The following PTPRD variants were observed in gnomAD, a reference collection of about 807,000 sequenced individuals.
PTPRD encodes the protein protein tyrosine phosphatase receptor type D.
Under a neutral mutation model 214.5 loss-of-function variants are expected in PTPRD, and 34 were observed. That is an observed-to-expected ratio of 0.16 (90% CI 0.12 to 0.21). PTPRD has a LOEUF of 0.21. Among genes scored for constraint, PTPRD ranks in the 10% least tolerant of loss-of-function variants. The pLI, the probability that PTPRD is intolerant of heterozygous loss-of-function variation, is 1.00. For missense variants in PTPRD, 2,545 were observed against 2,398.7 expected, an observed-to-expected ratio of 1.06 and a Z score of -1.27; for synonymous variants, 1,128 against 845.7, an observed-to-expected ratio of 1.33 and a Z score of -5.79.
chr9:9,087,162 A>G (rs2099768245), intron 10 of PTPRD, among the ~76,000 whole-genome samples: 1 of 152,094 alleles, frequency 6.6e-6, no homozygotes, highest in Non-Finnish European at 1.5e-5. Flanking sequence ...ACATTACTTA[A>G]GGTAAACTTA....
rs2097344624 is a variant in PTPRD, at chr9:8,499,300, T to C, written c.2322+347A>G. On this transcript the variant is annotated intron_variant, in intron 25 of 45. Coordinates refer to ENST00000381196, the MANE Select transcript of PTPRD (RefSeq NM_002839.4). ...TTAGCACAGAAGAAAGTAGACTCCA[T>C]CAGCAAAATTGCAGTTTAGAAATCT... Among the ~76,000 whole-genome samples the C allele has an allele frequency of 6.6e-5, 10 of 152,202 alleles. No individual in the cohort carries two copies. In the South Asian group the frequency reaches 2.1e-3, roughly 31 times the overall value.
chr9:9,014,292 A>G (rs945727084), intron 11 of PTPRD, among the ~76,000 whole-genome samples: 4 of 151,556 alleles, frequency 2.6e-5, no homozygotes, highest in East Asian at 1.9e-4. Context: ...CATTCTCACA[A>G]TCTGAACAGA....
chr9:10,581,429 T>C (rs2071755052), intron 2 of PTPRD, among the ~76,000 whole-genome samples: 1 of 152,208 alleles, frequency 6.6e-6, no homozygotes, highest in South Asian at 2.1e-4. Context: ...CCAAACAATT[T>C]AAACCTTCTC....
Position 8,485,925 on chromosome 9 carries a change from G to A in PTPRD, c.2892C>T (p.Pro964=), listed in dbSNP as rs376193969. Residue 964 remains proline, a synonymous_variant, in exon 28 of 46, where the codon CCC becomes CCT. Transcript: ENST00000381196. ...CAATAAGCTGCTCCATCGGGAGAAGGGGGATGTTGATATCCCTATAAAGAA... is the reference window on the plus strand; with the variant it reads ...CAATAAGCTGCTCCATCGGGAGAAGAGGGATGTTGATATCCCTATAAAGAA... ...YTLLYRDINI[P]LLPMEQLIVP... 8 of 1,614,042 alleles carry A rather than the reference G, an allele frequency of 5.0e-6. No homozygotes were observed. In the African/African-American group the frequency reaches 6.7e-5, roughly 13 times the overall value.
intron 10 of PTPRD, among the ~76,000 whole-genome samples, chr9:9,140,000 C>T (rs113608376): frequency 6.6e-6 from 1 of 151,764 alleles, no homozygotes; most frequent in Non-Finnish European, 1.5e-5. Context: ...GTATATATAC[C>T]TCCCGCTGTT....
chr9:9,460,423 A>G (rs575426880), intron 8 of PTPRD, among the ~76,000 whole-genome samples: 1 of 152,252 alleles, frequency 6.6e-6, no homozygotes, highest in African/African-American at 2.4e-5. Context: ...AAACTTTTGC[A>G]AACTAACCAT....
At position 10,259,929 on chromosome 9, in the gene PTPRD, G is replaced by C. The variant is rs529279853; in HGVS notation, c.-545+81034C>G. On this transcript the variant is annotated intron_variant, in intron 3 of 45. Transcript: ENST00000381196. ...ACCCCACCAGAGTGGATATGCACAA[G>C]CATCAGGCCCGTTTCAACCACACTC... is the stretch of plus-strand genomic sequence containing the variant. Among the ~76,000 whole-genome samples the C allele has an allele frequency of 2.0e-5, 3 of 152,186 alleles. No homozygotes were observed. The East Asian group carries it at 5.8e-4, about 30-fold the overall frequency.
chr9:10,465,615 C>G (rs4740453), intron 2 of PTPRD, among the ~76,000 whole-genome samples: 2 of 152,004 alleles, frequency 1.3e-5, no homozygotes, highest in African/African-American at 2.4e-5. Context: ...AAAGCATCAC[C>G]TTTTCTGTGT....
At chr9:9,894,582 C>A (rs1318788765) in intron 5 of PTPRD, among the ~76,000 whole-genome samples, 3 of 151,892 alleles carry the variant, frequency 2.0e-5, no homozygotes, top group Admixed American at 6.6e-5. Context: ...ATCATTTTTT[C>A]ACAACTTTTT....
Position 8,741,566 on chromosome 9 carries a change from C to CTT in PTPRD, c.-103-7622_-103-7621dup, listed in dbSNP as rs66547770. On this transcript the variant is annotated intron_variant, in intron 11 of 45. Coordinates refer to ENST00000381196, the MANE Select transcript of PTPRD (RefSeq NM_002839.4). ...TCTATTATTTTAATCTCAGGCATTT[C>CTT]TTTTTTTTTTTTTTTTTTTTTTTTT... Among the ~76,000 whole-genome samples, 444 of 70,600 alleles carry CTT rather than the reference C, an allele frequency of 6.3e-3. 55 individuals are homozygous for CTT. Among genetic ancestry groups the CTT allele is most frequent in the East Asian group, 0.01 (21 of 2,066 alleles). The allele number at this position is 70,600 out of a possible 152,430, so 46.3% of individuals were successfully genotyped here.
At position 8,531,220 on chromosome 9, in the gene PTPRD, A is replaced by T. The variant is rs2075602991; in HGVS notation, c.353-2441T>A. Among the ~76,000 whole-genome samples the T allele has an allele frequency of 2.0e-5, 3 of 152,228 alleles. No homozygotes were observed. In the South Asian group the frequency reaches 6.2e-4, roughly 32 times the overall value. On this transcript the variant is annotated intron_variant, in intron 14 of 45. Transcript: ENST00000381196. ...AAATTGAATTTCAAGATGATTTTTC[A>T]AGGCTCCAAGAGAAAGTTAAAAATT...
chr9:10,026,152 C>CTTGG (rs2096919261), intron 4 of PTPRD, among the ~76,000 whole-genome samples: 1 of 152,186 alleles, frequency 6.6e-6, no homozygotes, highest in African/African-American at 2.4e-5. Context: ...AAGCCAATGC[C>CTTGG]AGTTAACTAA....
chr9:8,495,011 T>C (rs1490663396), intron 26 of PTPRD, among the ~76,000 whole-genome samples: 1 of 152,150 alleles, frequency 6.6e-6, no homozygotes, highest in East Asian at 1.9e-4. Context: ...TCTGTCACAG[T>C]CACTGGTCTA....
At chr9:8,868,337 T>C (rs1467312616) in intron 11 of PTPRD, among the ~76,000 whole-genome samples, 1 of 152,180 alleles carries the variant, frequency 6.6e-6, no homozygotes, top group East Asian at 1.9e-4. Flanking sequence ...TAGCTGGGAT[T>C]AGGGGCATGT....
chr9:9,060,227 C>A (rs2099704552), intron 10 of PTPRD, among the ~76,000 whole-genome samples: 1 of 152,102 alleles, frequency 6.6e-6, no homozygotes, highest in Admixed American at 6.5e-5. Flanking sequence ...TGTAACACAG[C>A]AGAGGCCAGT....
intron 7 of PTPRD, among the ~76,000 whole-genome samples, chr9:9,643,497 A>G (rs970040646): frequency 2.6e-5 from 4 of 152,098 alleles, no homozygotes; most frequent in African/African-American, 9.7e-5. Flanking sequence ...CCAAGAAAGT[A>G]TTTTTCTTCA....
chr9:10,290,266 G>T (rs1475277010), intron 3 of PTPRD, among the ~76,000 whole-genome samples: 2 of 152,014 alleles, frequency 1.3e-5, no homozygotes, highest in African/African-American at 4.8e-5. Flanking sequence ...CTTCTATCCT[G>T]TTCCCTTTGT....
chr9:10,319,902 T>C (rs2096523720), intron 3 of PTPRD, among the ~76,000 whole-genome samples: 1 of 152,022 alleles, frequency 6.6e-6, no homozygotes, highest in Non-Finnish European at 1.5e-5. Flanking sequence ...ATTCATATTA[T>C]CATCAACCTA....
At chr9:8,748,442 C>T (rs2154458468) in intron 11 of PTPRD, among the ~76,000 whole-genome samples, 1 of 144,898 alleles carries the variant, frequency 6.9e-6, no homozygotes, top group African/African-American at 2.5e-5. Flanking sequence ...GAGCCGGCAA[C>T]AGCAACCCCC....
Sources: allele counts gnomAD v4.1 joint callset (sites outside exome capture counted in the v4.1 genomes callset), GRCh38; gene constraint gnomAD v4.1.1; transcripts MANE v1.5; gene names NCBI Gene and HGNC (gene_info 2026-07-23, HGNC 2026-07-21).